The following CCDC141 variants were observed in gnomAD, a reference collection of about 807,000 sequenced individuals.
The protein encoded by CCDC141 is coiled-coil domain-containing protein 141.
A neutral mutation model predicts 181.0 loss-of-function variants in CCDC141; 168 were observed. The observed-to-expected ratio is 0.93, with a 90% CI of 0.82 to 1.05. The LOEUF (loss-of-function observed/expected upper bound fraction) is 1.05. Among genes scored for constraint, CCDC141 ranks in the 50% least tolerant of loss-of-function variants. The pLI is 0.00. For missense variants in CCDC141, 1,902 were observed against 1,788.5 expected, an observed-to-expected ratio of 1.06 and a Z score of -1.14; for synonymous variants, 666 against 642.3, an observed-to-expected ratio of 1.04 and a Z score of -0.56.
At chr2:179,024,390 TATTC>T (rs577003806) in intron 2 of CCDC141, among the ~76,000 whole-genome samples, 208 of 152,374 alleles carry the variant, frequency 1.4e-3, no homozygotes, top group African/African-American at 4.6e-3. Flanking sequence ...TGAATATATG[TATTC>T]ATTCATTCAT....
At chr2:178,855,196 C>A in intron 19 of CCDC141, 151 bp downstream of exon 19, 1 of 616,282 alleles carries the variant, frequency 1.6e-6, no homozygotes. Context: ...AATTCTATTT[C>A]AGAGAATTAT....
chr2:179,043,103 C>T (rs943682901), intron 2 of CCDC141, among the ~76,000 whole-genome samples: 1 of 152,044 alleles, frequency 6.6e-6, no homozygotes, highest in African/African-American at 2.4e-5. Flanking sequence ...CCTCTATGCA[C>T]ATAAACTAGA....
chr2:178,971,537 G>C (rs1000966288), intron 4 of CCDC141, among the ~76,000 whole-genome samples: 14 of 152,186 alleles, frequency 9.2e-5, no homozygotes, highest in African/African-American at 3.4e-4. Flanking sequence ...TCTAGAACTA[G>C]AAATACCATT....
At chr2:178,901,219 C>G (rs1394268277) in intron 8 of CCDC141, among the ~76,000 whole-genome samples, 1 of 152,032 alleles carries the variant, frequency 6.6e-6, no homozygotes, top group Non-Finnish European at 1.5e-5. Flanking sequence ...CTATTCCAAT[C>G]AATAGAAAAA....
intron 2 of CCDC141, among the ~76,000 whole-genome samples, chr2:178,999,970 G>GTTCATA (rs2041914355): frequency 6.6e-6 from 1 of 151,530 alleles, no homozygotes; most frequent in East Asian, 1.9e-4. Context: ...AGTAATGTAA[G>GTTCATA]TTCATATTTT....
chr2:178,828,475 T>C (rs552068745), downstream of CCDC141, among the ~76,000 whole-genome samples: 1 of 152,290 alleles, frequency 6.6e-6, no homozygotes, highest in African/African-American at 2.4e-5. Flanking sequence ...CAGAATGTGA[T>C]AAGAAATACT....
chr2:178,837,788 CT>C, intron 22 of CCDC141, 44 bp from the exon 23 acceptor site: 3 of 1,549,230 alleles, frequency 1.9e-6, no homozygotes, highest in Non-Finnish European at 2.6e-6. Flanking sequence ...ATTCATTTTT[CT>C]TTTTCCAGTT....
chr2:178,917,992 C>T (rs766310695), intron 7 of CCDC141, among the ~76,000 whole-genome samples: 8 of 152,180 alleles, frequency 5.3e-5, no homozygotes, highest in African/African-American at 9.6e-5. Context: ...AGGAGGCCTT[C>T]GGTAAAAATT....
rs977482239 is a variant in CCDC141, at chr2:178,833,480, C to T, written c.*693G>A. On this transcript the variant is annotated 3_prime_UTR_variant, in exon 24 of 24. Coordinates refer to ENST00000443758, the MANE Select transcript of CCDC141 (RefSeq NM_173648.4). ...CACATCAATAGAATGTCAGGAATAACGTTGGTTCTTTCTTGCAACCTGTGT... is the reference window on the plus strand; with the variant it reads ...CACATCAATAGAATGTCAGGAATAATGTTGGTTCTTTCTTGCAACCTGTGT... 1.3e-5 allele frequency: 2 copies of T among 152,220 alleles called. No homozygotes were observed. Among genetic ancestry groups the T allele is most frequent in the East Asian group, 1.9e-4 (1 of 5,202 alleles). The allele number at this position is 152,220 out of a possible 1,614,324, so 9.4% of individuals were successfully genotyped here.
chr2:178,904,666 C>T (rs547283416), intron 8 of CCDC141, among the ~76,000 whole-genome samples: 6 of 152,290 alleles, frequency 3.9e-5, no homozygotes, highest in Admixed American at 1.3e-4. Context: ...TCTGCTCTGT[C>T]ATTTCCCCTT....
At chr2:178,980,882 GA>G (rs893286391) in intron 2 of CCDC141, among the ~76,000 whole-genome samples, 12 of 151,844 alleles carry the variant, frequency 7.9e-5, no homozygotes, top group South Asian at 2.1e-4. Flanking sequence ...AAAGCTGGAT[GA>G]AAAAAAAGGT....
intron 8 of CCDC141, among the ~76,000 whole-genome samples, chr2:178,898,919 A>G (rs1039235658): frequency 6.6e-6 from 1 of 152,160 alleles, no homozygotes; most frequent in Non-Finnish European, 1.5e-5. Flanking sequence ...CCTATTTCAA[A>G]TATTACCTTT....
intron 5 of CCDC141, among the ~76,000 whole-genome samples, chr2:178,955,245 A>T (rs971708331): frequency 3.9e-5 from 6 of 152,140 alleles, no homozygotes; most frequent in Admixed American, 1.3e-4. Flanking sequence ...AGACTGTGCC[A>T]CTGCACTCCA....
intron 5 of CCDC141, among the ~76,000 whole-genome samples, chr2:178,959,933 A>G (rs1690323699): frequency 6.6e-6 from 1 of 152,192 alleles, no homozygotes; most frequent in Non-Finnish European, 1.5e-5. Flanking sequence ...CGTACTCATC[A>G]TTTATTATAA....
At chr2:178,829,687 G>A (rs1575105291), downstream of CCDC141, 1 of 152,208 alleles carries the variant, frequency 6.6e-6, no homozygotes, top group Admixed American at 6.5e-5. Flanking sequence ...TGCAACTCAA[G>A]ATTCCGCTTA....
chr2:178,931,369 C>T (rs1689089053), intron 6 of CCDC141, among the ~76,000 whole-genome samples: 1 of 152,086 alleles, frequency 6.6e-6, no homozygotes, highest in Non-Finnish European at 1.5e-5. Flanking sequence ...AACCCATATA[C>T]ATGAATGTTC....
chr2:178,947,311 A>G (rs1447569572), intron 5 of CCDC141, among the ~76,000 whole-genome samples: 3 of 152,188 alleles, frequency 2.0e-5, no homozygotes, highest in Non-Finnish European at 4.4e-5. Context: ...GCACCAGGAC[A>G]TTTATGTAGA....
intron 12 of CCDC141, among the ~76,000 whole-genome samples, chr2:178,872,750 T>C (rs1217851392): frequency 6.6e-6 from 1 of 152,248 alleles, no homozygotes. Flanking sequence ...TGGACTGTTT[T>C]GTTTTTTCTT....
intron 5 of CCDC141, among the ~76,000 whole-genome samples, chr2:178,960,684 G>T (rs1690360772): frequency 6.6e-6 from 1 of 152,128 alleles, no homozygotes; most frequent in Non-Finnish European, 1.5e-5. Flanking sequence ...TGCAGCCTGG[G>T]TAATGAGCTC....
Sources: gnomAD v4.1 joint callset for allele counts (sites outside exome capture counted in the v4.1 genomes callset) on GRCh38, gnomAD v4.1.1 for gene constraint, MANE v1.5 for transcripts, NCBI Gene and HGNC (gene_info 2026-07-23, HGNC 2026-07-21) for gene names.